The following ADGRL3 variants were observed in gnomAD, a reference collection of about 807,000 sequenced individuals.
The protein encoded by ADGRL3 is adhesion G protein-coupled receptor L3, also known as calcium-independent alpha-latrotoxin receptor 3.
ADGRL3 carries 62 observed loss-of-function variants against 153.5 expected under a neutral mutation model. The ratio of observed to expected loss-of-function variants is 0.40; its 90% CI spans 0.33 to 0.50. The LOEUF (loss-of-function observed/expected upper bound fraction) is 0.50. ADGRL3 is among the 20% of genes least tolerant of loss of function. The pLI is 0.47. For synonymous variants in ADGRL3, 710 were observed against 672.5 expected (o/e 1.06, Z -0.86); for missense variants, 1,641 against 1,859.4 (o/e 0.88, Z 2.16).
At chr4:61,363,415 T>C (rs527618719) in intron 1 of ADGRL3, among the ~76,000 whole-genome samples, 2 of 152,262 alleles carry the variant, frequency 1.3e-5, no homozygotes, top group Non-Finnish European at 1.5e-5. Context: ...TATCTGGTAG[T>C]GACACTCACT....
chr4:61,228,904 C>A (rs1381099320), intron 1 of ADGRL3, among the ~76,000 whole-genome samples: 1 of 152,100 alleles, frequency 6.6e-6, no homozygotes, highest in Admixed American at 6.6e-5. Context: ...GTTGACCAGG[C>A]TGGTTTGGAA....
intron 6 of ADGRL3, among the ~76,000 whole-genome samples, chr4:61,691,628 A>G (rs1201864899): frequency 6.6e-6 from 1 of 152,180 alleles, no homozygotes; most frequent in East Asian, 1.9e-4. Context: ...AGTGCTTGAT[A>G]AAAGTTTGCT....
At chr4:61,241,338 A>G (rs1754878299) in intron 1 of ADGRL3, among the ~76,000 whole-genome samples, 1 of 152,038 alleles carries the variant, frequency 6.6e-6, no homozygotes, top group Non-Finnish European at 1.5e-5. Context: ...ATGTGGTTCA[A>G]TATAAATTCC....
intron 5 of ADGRL3, among the ~76,000 whole-genome samples, chr4:61,639,060 G>A (rs1456724784): frequency 1.3e-5 from 2 of 151,990 alleles, no homozygotes; most frequent in African/African-American, 4.8e-5. Flanking sequence ...ACAAAACCTG[G>A]TTACTGAAAG....
chr4:61,599,002 A>G (rs1423865389), intron 5 of ADGRL3, among the ~76,000 whole-genome samples: 1 of 152,184 alleles, frequency 6.6e-6, no homozygotes, highest in Non-Finnish European at 1.5e-5. Flanking sequence ...AGGCTCACTG[A>G]AAAAATAAAC....
Position 61,877,318 on chromosome 4 carries a change from T to C in ADGRL3, c.1481-15338T>C, listed in dbSNP as rs1051302254. Among the ~76,000 whole-genome samples, 5 of 152,310 alleles carry C rather than the reference T, an allele frequency of 3.3e-5. No homozygotes were observed. In the South Asian group the frequency reaches 8.3e-4, roughly 25 times the overall value. On this transcript the variant is annotated intron_variant, in intron 9 of 26. Transcript: ENST00000683033. ...TGGTTCCCTGCTGTATGATTTCATT[T>C]ATATAACATCCCTGAAACAGTGAAA...
chr4:61,675,357 T>C (rs1443737413), intron 5 of ADGRL3, among the ~76,000 whole-genome samples: 1 of 151,876 alleles, frequency 6.6e-6, no homozygotes, highest in East Asian at 1.9e-4. Context: ...AGGGGATAAT[T>C]AGAGTATCTC....
intron 6 of ADGRL3, among the ~76,000 whole-genome samples, chr4:61,685,429 G>A (rs1271965596): frequency 2.0e-5 from 3 of 152,032 alleles, no homozygotes; most frequent in African/African-American, 7.2e-5. Context: ...AAACTTCATG[G>A]TAAAAGAGAA....
At chr4:61,886,598 TTCTTC>T (rs149171390) in intron 9 of ADGRL3, among the ~76,000 whole-genome samples, 72,424 of 151,454 alleles carry the variant, frequency 0.48, 18,203 homozygotes, top group Middle Eastern at 0.57. Flanking sequence ...AGATAAACCT[TTCTTC>T]TCTTGTGAAG....
intron 9 of ADGRL3, among the ~76,000 whole-genome samples, chr4:61,869,936 TAAA>T (rs1190618911): frequency 6.1e-3 from 64 of 10,492 alleles, no homozygotes; most frequent in Non-Finnish European, 0.014. Flanking sequence ...AAAACTTTGT[TAAA>T]AAAAAAAAAA....
chr4:61,960,060 C>A (rs143620887), intron 17 of ADGRL3, among the ~76,000 whole-genome samples: 1 of 152,090 alleles, frequency 6.6e-6, no homozygotes, highest in Non-Finnish European at 1.5e-5. Flanking sequence ...AAACTGGTTT[C>A]AAAAACGTAA....
At chr4:61,908,860 A>G (rs959654623) in intron 11 of ADGRL3, among the ~76,000 whole-genome samples, 1 of 152,094 alleles carries the variant, frequency 6.6e-6, no homozygotes, top group African/African-American at 2.4e-5. Context: ...CGAATTACCC[A>G]TGGCTATCAA....
chr4:61,807,141 G>A lies in ADGRL3; in HGVS notation c.1400-6668G>A, dbSNP rs1212659345. Among the ~76,000 whole-genome samples the A allele has an allele frequency of 2.0e-5, 3 of 151,960 alleles. No individual in the cohort carries two copies. The East Asian group carries it at 5.8e-4, about 29-fold the overall frequency. ...TTTGATTATGAGTTTCAAGAGTTAA[G>A]AATTCACCAGTTTATTTTCAGTACT... On this transcript the variant is annotated intron_variant, in intron 8 of 26. Transcript: ENST00000683033.
rs1221583375 is a variant in ADGRL3 at position 61,641,676 on chromosome 4, C to G, written c.474-35150C>G. 2.6e-5 allele frequency among the ~76,000 whole-genome samples: 4 copies of G among 151,872 alleles called. No individual in the cohort carries two copies. The East Asian group carries it at 7.7e-4, about 29-fold the overall frequency. On this transcript the variant is annotated intron_variant, in intron 5 of 26. Transcript: ENST00000683033. ...GTATATGTGCCACATTTTCTTAATCCAGTCTATCACTGTTGGACATTTGGG... is the reference window on the plus strand; with the variant it reads ...GTATATGTGCCACATTTTCTTAATCGAGTCTATCACTGTTGGACATTTGGG...
rs529458237 is a variant in ADGRL3, at chr4:61,916,747, G to A, written c.2112+3990G>A. ...GTGGGCAGATCACTTGAGACCAGGA[G>A]TTTGAGACCAGCCTGGCCAACATGG... On this transcript the variant is annotated intron_variant, in intron 13 of 26. Coordinates refer to ENST00000683033, the MANE Select transcript of ADGRL3 (RefSeq NM_001387552.1). Among the ~76,000 whole-genome samples the A allele has an allele frequency of 9.2e-5, 14 of 152,268 alleles. No individual in the cohort carries two copies. In the South Asian group the frequency reaches 2.9e-3, roughly 32 times the overall value.
chr4:62,008,798 C>A (rs2099170553), intron 21 of ADGRL3, among the ~76,000 whole-genome samples: 1 of 151,732 alleles, frequency 6.6e-6, no homozygotes, highest in Non-Finnish European at 1.5e-5. Context: ...ACACGCATAT[C>A]CAGGCACACA....
At chr4:61,272,269 T>A (rs548691039) in intron 1 of ADGRL3, among the ~76,000 whole-genome samples, 37 of 152,196 alleles carry the variant, frequency 2.4e-4, no homozygotes, top group African/African-American at 8.9e-4. Context: ...TCAGTTTTTT[T>A]AATTTTAATG....
At chr4:61,848,018 T>A (rs1465264575) in intron 9 of ADGRL3, among the ~76,000 whole-genome samples, 1 of 9,440 alleles carries the variant, frequency 1.1e-4, no homozygotes, top group Admixed American at 2.9e-3. Context: ...ATTATATATA[T>A]AATATAAAAT....
chr4:61,835,337 G>GA (rs34440166), intron 9 of ADGRL3, among the ~76,000 whole-genome samples: 886 of 32,126 alleles, frequency 0.028, 4 homozygotes, highest in Non-Finnish European at 0.035. Flanking sequence ...TGGCAAGACT[G>GA]AAAAAAAAAA....
Sources: allele counts gnomAD v4.1 joint callset (sites outside exome capture counted in the v4.1 genomes callset), GRCh38; gene constraint gnomAD v4.1.1; transcripts MANE v1.5; gene names NCBI Gene and HGNC (gene_info 2026-07-23, HGNC 2026-07-21).